DACH2: variants seen among roughly 807,000 people sequenced by gnomAD.
DACH2 encodes the protein dachshund homolog 2.
Under a neutral mutation model 35.8 loss-of-function variants are expected in DACH2, and 17 were observed. The observed-to-expected ratio is 0.48, with a 90% CI of 0.33 to 0.71. The LOEUF (loss-of-function observed/expected upper bound fraction) is 0.71, where lower values mean the gene tolerates loss of function less well. DACH2 is among the 30% of genes least tolerant of loss of function. DACH2 has a pLI of 0.02. For missense variants in DACH2, 469 were observed against 472.7 expected, an observed-to-expected ratio of 0.99 and a Z score of 0.07; for synonymous variants, 195 against 177.3, an observed-to-expected ratio of 1.10 and a Z score of -0.79.
chrX:86,813,868 T>C (rs775145528), intron 9 of DACH2, among the ~76,000 whole-genome samples: 1 of 111,243 alleles, frequency 9.0e-6, no homozygotes, highest in African/African-American at 3.3e-5. Context: ...AAAATAGAGA[T>C]AAAAGTGTTT....
chrX:86,205,282 A>G (rs2032255871), intron 1 of DACH2, among the ~76,000 whole-genome samples: 1 of 110,951 alleles, frequency 9.0e-6, no homozygotes, highest in Non-Finnish European at 1.9e-5. Context: ...AGTGTGCCCA[A>G]TAGAAAATGA....
intron 1 of DACH2, among the ~76,000 whole-genome samples, chrX:86,220,598 C>T (rs2032687867): frequency 8.9e-6 from 1 of 112,143 alleles, no homozygotes; most frequent in Non-Finnish European, 1.9e-5. Flanking sequence ...GTGTATACCA[C>T]ATTTTCTTTA....
At chrX:86,665,429 A>C (rs2040656318) in intron 4 of DACH2, among the ~76,000 whole-genome samples, 1 of 111,588 alleles carries the variant, frequency 9.0e-6, no homozygotes, top group Non-Finnish European at 1.9e-5. Context: ...AATAAGAGAA[A>C]ATTAGTGGTA....
chrX:86,429,606 G>C (rs1021924576), intron 2 of DACH2, among the ~76,000 whole-genome samples: 5 of 103,716 alleles, frequency 4.8e-5, no homozygotes, highest in African/African-American at 1.8e-4. Context: ...TGTCACCCAG[G>C]CTGGAGTGCA....
At chrX:86,355,731 C>T (rs778898664) in intron 1 of DACH2, among the ~76,000 whole-genome samples, 3 of 111,096 alleles carry the variant, frequency 2.7e-5, no homozygotes, top group Non-Finnish European at 3.8e-5. Context: ...TTCTGACTGG[C>T]GTGAGATGGT....
rs750858644 is a variant in DACH2 at position 86,739,878 on chromosome X, A to G, written c.1236A>G (p.Arg412=). ...CTCAGATGGATCATCATTTGGAAAG[A>G]ATGGGTGAGTAACTTTTCTGAAACA... ...SPSQMDHHLE[R]MEEVPVQIPI... Residue 412 remains arginine (R), a synonymous_variant, in exon 7 of 12, where the codon AGA becomes AGG. Coordinates refer to ENST00000373125, the MANE Select transcript of DACH2 (RefSeq NM_053281.3). 2 of 1,189,683 alleles carry G rather than the reference A, an allele frequency of 1.7e-6. No individual in the cohort carries two copies. The highest frequency in any genetic ancestry group is 2.3e-6 in the Non-Finnish European group (2 of 886,145).
intron 1 of DACH2, among the ~76,000 whole-genome samples, chrX:86,325,324 G>C (rs966447663): frequency 6.3e-5 from 7 of 111,376 alleles, no homozygotes; most frequent in Non-Finnish European, 1.3e-4. Flanking sequence ...AGAAGTTCAA[G>C]AGAAATGAGT....
chrX:86,598,533 T>A (rs915608048), intron 3 of DACH2, among the ~76,000 whole-genome samples: 7 of 111,214 alleles, frequency 6.3e-5, no homozygotes, highest in Non-Finnish European at 9.4e-5. Flanking sequence ...TTTGCAAGGG[T>A]AGTTTTATAG....
intron 1 of DACH2, among the ~76,000 whole-genome samples, chrX:86,167,191 G>A (rs1424058835): frequency 1.8e-5 from 2 of 111,422 alleles, no homozygotes; most frequent in African/African-American, 6.5e-5. Context: ...CACGTCCCAA[G>A]CTTTTCTTCA....
At chrX:86,718,705 A>G (rs2041365706) in intron 6 of DACH2, among the ~76,000 whole-genome samples, 1 of 111,826 alleles carries the variant, frequency 8.9e-6, no homozygotes, top group South Asian at 3.7e-4. Context: ...TGGCAATCAA[A>G]GTTTCCCAGC....
chrX:86,495,080 C>A (rs2038148476), intron 2 of DACH2, among the ~76,000 whole-genome samples: 1 of 111,120 alleles, frequency 9.0e-6, no homozygotes. Flanking sequence ...CCGAGTCTTG[C>A]TCTGTCACCC....
Position 86,316,201 on chromosome X carries a change from G to A in DACH2, c.489-60623G>A, listed in dbSNP as rs1042682623. 2.7e-5 allele frequency among the ~76,000 whole-genome samples: 3 copies of A among 110,161 alleles called. No individual in the cohort carries two copies. In the East Asian group the frequency reaches 8.6e-4, roughly 31 times the overall value. ...CCCAGACATCTTCTTACAGCTGCAGGCATCCCCCCTGTGTCTGCTTCTAGA... is the reference window on the plus strand; with the variant it reads ...CCCAGACATCTTCTTACAGCTGCAGACATCCCCCCTGTGTCTGCTTCTAGA... On this transcript the variant is annotated intron_variant, in intron 1 of 11. Coordinates refer to ENST00000373125, the MANE Select transcript of DACH2 (RefSeq NM_053281.3).
intron 3 of DACH2, among the ~76,000 whole-genome samples, chrX:86,584,136 A>T (rs2039538364): frequency 9.0e-6 from 1 of 111,096 alleles, no homozygotes; most frequent in Non-Finnish European, 1.9e-5. Flanking sequence ...AATTTCTTTT[A>T]TTTAATTTGA....
intron 1 of DACH2, among the ~76,000 whole-genome samples, chrX:86,212,828 C>T (rs1483960847): frequency 9.0e-6 from 1 of 111,082 alleles, no homozygotes; most frequent in Non-Finnish European, 1.9e-5. Flanking sequence ...AACTCACGAA[C>T]GTTAGTTAAA....
chrX:86,489,575 C>T (rs2038066205), intron 2 of DACH2, among the ~76,000 whole-genome samples: 1 of 111,176 alleles, frequency 9.0e-6, no homozygotes, highest in Non-Finnish European at 1.9e-5. Context: ...ATTAGCTTGA[C>T]TTAGCCATTT....
At chrX:86,561,917 A>G (rs1452552748) in intron 3 of DACH2, among the ~76,000 whole-genome samples, 4 of 101,534 alleles carry the variant, frequency 3.9e-5, no homozygotes, top group East Asian at 3.2e-4. Context: ...AAAAAAAAAA[A>G]AAAGAGAATT....
chrX:86,213,530 G>A (rs1369111485), intron 1 of DACH2, among the ~76,000 whole-genome samples: 1 of 111,026 alleles, frequency 9.0e-6, no homozygotes, highest in African/African-American at 3.3e-5. Flanking sequence ...CGTTTTCCTT[G>A]ACCTTTCTGC....
At chrX:86,815,823 C>T (rs2042445517) in intron 10 of DACH2, among the ~76,000 whole-genome samples, 1 of 108,889 alleles carries the variant, frequency 9.2e-6, no homozygotes, top group Admixed American at 1.0e-4. Context: ...TTACAATATA[C>T]CTAGAAATAT....
chrX:86,541,936 T>A (rs1010224781), intron 3 of DACH2, among the ~76,000 whole-genome samples: 2 of 111,705 alleles, frequency 1.8e-5, no homozygotes, highest in Admixed American at 9.5e-5. Context: ...AAAGAGAAAT[T>A]TTTTGAGGAT....
Sources: gnomAD v4.1 joint callset for allele counts (sites outside exome capture counted in the v4.1 genomes callset) on GRCh38, gnomAD v4.1.1 for gene constraint, MANE v1.5 for transcripts, NCBI Gene and HGNC (gene_info 2026-07-23, HGNC 2026-07-21) for gene names.